The following RAPGEF1 variants were observed in gnomAD, a reference collection of about 807,000 sequenced individuals.
The protein encoded by RAPGEF1 is CRK SH3-binding GNRP.
In RAPGEF1, 33 loss-of-function variants were observed where a neutral mutation model predicts 143.3. That is an observed-to-expected ratio of 0.23 (90% confidence interval 0.17 to 0.31). The LOEUF is 0.31. Ranked by LOEUF, RAPGEF1 falls within the 10% of genes least tolerant of loss-of-function variation. The probability of loss-of-function intolerance (pLI) is 1.00; values close to 1 mark genes in which losing one functional copy is unlikely to be tolerated. For synonymous variants in RAPGEF1, 629 were observed against 676.5 expected, an observed-to-expected ratio of 0.93 and a Z score of 1.09; for missense variants, 1,199 against 1,645.4, an observed-to-expected ratio of 0.73 and a Z score of 4.69.
At chr9:131,662,574 G>A (rs1210363225) in intron 1 of RAPGEF1, among the ~76,000 whole-genome samples, 2 of 149,562 alleles carry the variant, frequency 1.3e-5, no homozygotes, top group African/African-American at 2.5e-5. Flanking sequence ...TTGAGATGGA[G>A]TCTCACTCTG....
chr9:131,711,243 G>A (rs1159970316), intron 1 of RAPGEF1, among the ~76,000 whole-genome samples: 2 of 151,784 alleles, frequency 1.3e-5, no homozygotes, highest in African/African-American at 4.8e-5. Flanking sequence ...GTAGAGACAG[G>A]GTCTCCCTAT....
intron 1 of RAPGEF1, among the ~76,000 whole-genome samples, chr9:131,674,734 A>G (rs1487908437): frequency 3.9e-5 from 6 of 152,184 alleles, no homozygotes; most frequent in African/African-American, 1.4e-4. Flanking sequence ...CTGAAGAGGG[A>G]TCCCTAGAAG....
chr9:131,582,743 G>A (rs559685680), intron 24 of RAPGEF1, 41 bp from the exon 25 acceptor site: 14 of 1,505,782 alleles, frequency 9.3e-6, no homozygotes, highest in Admixed American at 4.4e-5. Context: ...AGGGGTGAGC[G>A]AGTGCTGGGG....
At chr9:131,645,172 C>T (rs1051907240) in intron 3 of RAPGEF1, among the ~76,000 whole-genome samples, 5 of 152,152 alleles carry the variant, frequency 3.3e-5, no homozygotes, top group Non-Finnish European at 7.3e-5. Flanking sequence ...GTCATCTGCC[C>T]GGGGCAGGGA....
chr9:131,589,017 C>G (rs1953700815), intron 19 of RAPGEF1, 31 bp from the exon 20 acceptor site: 6 of 1,601,242 alleles, frequency 3.7e-6, no homozygotes, highest in South Asian at 1.1e-5. Context: ...AGGTGAGGAG[C>G]AGGAACGCAA....
rs989339359 is a variant in RAPGEF1 at position 131,577,234 on chromosome 9, C to G, written c.*2263G>C. ...CACCTTGCCGTCCTCACGCAGGGAG[C>G]CCCTGGGCACTGCTCATGTGCTGCC... On this transcript the variant is annotated 3_prime_UTR_variant, in exon 27 of 27. Transcript: ENST00000683357. The G allele has an allele frequency of 2.0e-5, 3 of 152,328 alleles. No individual in the cohort carries two copies. Among genetic ancestry groups the G allele is most frequent in the African/African-American group, 7.2e-5 (3 of 41,470 alleles). The allele number at this position is 152,328 out of a possible 1,614,324, so 9.4% of individuals were successfully genotyped here. A position where few individuals can be genotyped will look rare whatever the true frequency, so the allele number is the denominator to read the frequency against.
At position 131,592,048 on chromosome 9, in the gene RAPGEF1, T is replaced by C. The variant is rs752236533; in HGVS notation, c.2774+51A>G. On this transcript the variant is annotated intron_variant, in intron 18 of 26. Transcript: ENST00000683357. ...ACTGAAGGGCAAGAGGGTCCCTCTCTCTCCAAAATGCCCATGGTGCAGGGG... is the reference window on the plus strand; with the variant it reads ...ACTGAAGGGCAAGAGGGTCCCTCTCCCTCCAAAATGCCCATGGTGCAGGGG... 3.5e-6 allele frequency: 5 copies of C among 1,412,974 alleles called. No individual in the cohort carries two copies. The African/African-American group carries it at 7.1e-5, about 20-fold the overall frequency. The allele number at this position is 1,412,974 out of a possible 1,614,324, so 87.5% of individuals were successfully genotyped here.
rs1235153711 is a variant in RAPGEF1 at position 131,643,317 on chromosome 9, T to G, written c.416A>C (p.Glu139Ala). The change falls in exon 4 of 27, where the codon GAG becomes GCG. Residue 139 changes from glutamate to alanine, a missense_variant. Physicochemically the swap from Glu to Ala is moderately radical, Grantham distance 107. Transcript: ENST00000683357. ...CTTGCTGGCTGACCCTGGAAGCATC[T>G]CCAGTACCTTCTTATCAATTGCCAT... ...DKMAIDKKVL[E>A]MLPGSASKVL... 7 of 1,613,658 alleles carry G rather than the reference T, an allele frequency of 4.3e-6. No individual in the cohort carries two copies. The highest frequency in any genetic ancestry group is 3.3e-5 in the Admixed American group (2 of 60,002).
intron 1 of RAPGEF1, among the ~76,000 whole-genome samples, chr9:131,700,546 G>A (rs1465678367): frequency 6.6e-6 from 1 of 152,092 alleles, no homozygotes; most frequent in Non-Finnish European, 1.5e-5. Context: ...TGGAGACACA[G>A]GACCTGTTCA....
chr9:131,581,443 C>T (rs960829561), intron 25 of RAPGEF1, among the ~76,000 whole-genome samples: 2 of 150,970 alleles, frequency 1.3e-5, no homozygotes, highest in Non-Finnish European at 3.0e-5. Flanking sequence ...AATCCCAGCA[C>T]TTTGGGAGGC....
chr9:131,714,407 C>A (rs1349569894), intron 1 of RAPGEF1, among the ~76,000 whole-genome samples: 1 of 151,898 alleles, frequency 6.6e-6, no homozygotes, highest in African/African-American at 2.4e-5. Context: ...CTCACCCACC[C>A]AGAACCAAAG....
intron 12 of RAPGEF1, among the ~76,000 whole-genome samples, chr9:131,617,933 G>A (rs529402818): frequency 2.2e-4 from 33 of 152,306 alleles, no homozygotes; most frequent in Middle Eastern, 3.4e-3. Context: ...TTTGGTTCCT[G>A]GACATGCGCA....
chr9:131,585,625 G>A (rs927106215), intron 22 of RAPGEF1, among the ~76,000 whole-genome samples: 1 of 152,214 alleles, frequency 6.6e-6, no homozygotes, highest in South Asian at 2.1e-4. Flanking sequence ...CCCTACGCTG[G>A]ACTGCCATAG....
intron 20 of RAPGEF1, among the ~76,000 whole-genome samples, chr9:131,588,438 G>A (rs1953574347): frequency 6.6e-6 from 1 of 152,212 alleles, no homozygotes; most frequent in Admixed American, 6.5e-5. Flanking sequence ...ACATGTATAG[G>A]TGCAAATGAC....
intron 25 of RAPGEF1, among the ~76,000 whole-genome samples, chr9:131,581,294 C>T (rs868277062): frequency 7.2e-5 from 11 of 151,842 alleles, no homozygotes; most frequent in African/African-American, 1.9e-4. Flanking sequence ...CTAAGGAGAC[C>T]GATGTGGGAG....
At chr9:131,735,018 C>T (rs907782420) in intron 1 of RAPGEF1, among the ~76,000 whole-genome samples, 4 of 152,180 alleles carry the variant, frequency 2.6e-5, no homozygotes, top group African/African-American at 9.7e-5. Flanking sequence ...GCCTGTGGTT[C>T]GCTGGGAGCA....
intron 1 of RAPGEF1, among the ~76,000 whole-genome samples, chr9:131,672,064 T>C (rs1045697534): frequency 1.3e-5 from 2 of 152,112 alleles, no homozygotes; most frequent in African/African-American, 2.4e-5. Flanking sequence ...GGGTCATGTA[T>C]GGTGGTGAAG....
rs71374121 is a variant in RAPGEF1, at chr9:131,711,361, C to CT, written c.61+28408dup. ...GCCACTGCACTGTGCCTATTATCAC[C>CT]TTTTTTTTTTTTTTGAGACAGAGTC... On this transcript the variant is annotated intron_variant, in intron 1 of 26. Transcript: ENST00000683357. 2.7e-3 allele frequency among the ~76,000 whole-genome samples: 351 copies of CT among 130,262 alleles called. 8 individuals carry two copies. In the East Asian group the frequency reaches 0.038, roughly 14 times the overall value. The allele number at this position is 130,262 out of a possible 152,430, so 85.5% of individuals were successfully genotyped here.
intron 11 of RAPGEF1, among the ~76,000 whole-genome samples, chr9:131,619,992 T>C (rs1308042075): frequency 2.6e-5 from 4 of 152,130 alleles, no homozygotes; most frequent in Non-Finnish European, 4.4e-5. Flanking sequence ...CTCAATTTAC[T>C]TATAATGGGG....
Sources: allele counts gnomAD v4.1 joint callset (sites outside exome capture counted in the v4.1 genomes callset), GRCh38; gene constraint gnomAD v4.1.1; transcripts MANE v1.5; gene names NCBI Gene and HGNC (gene_info 2026-07-23, HGNC 2026-07-21).